The following EPHA6 variants were observed in gnomAD, a reference collection of about 807,000 sequenced individuals.
The protein encoded by EPHA6 is ephrin type-A receptor 6.
A neutral mutation model predicts 112.0 loss-of-function variants in EPHA6; 50 were observed. That is an observed-to-expected ratio of 0.45 (90% CI 0.36 to 0.56). The LOEUF (loss-of-function observed/expected upper bound fraction) is 0.56, where lower values mean the gene tolerates loss of function less well. Ranked by LOEUF, EPHA6 falls within the 20% of genes least tolerant of loss-of-function variation. The pLI, the probability that EPHA6 is intolerant of heterozygous loss-of-function variation, is 0.00. For synonymous variants in EPHA6, 529 were observed against 490.7 expected (o/e 1.08, Z -1.03); for missense variants, 1,280 against 1,417.4 (o/e 0.90, Z 1.56).
rs540770695 is a variant in EPHA6 at position 97,532,049 on chromosome 3, T to C, written c.2201-309T>C. Among the ~76,000 whole-genome samples the C allele has an allele frequency of 3.9e-5, 6 of 152,216 alleles. No homozygotes were observed. In the South Asian group the frequency reaches 1.2e-3, roughly 32 times the overall value. On this transcript the variant is annotated intron_variant, in intron 10 of 17. Transcript: ENST00000389672. ...GGAACAGAAGACATTATGCTGTGAT[T>C]GCATTTCTATAGAATTACATTAGCA... is the stretch of plus-strand genomic sequence containing the variant.
chr3:96,858,047 G>C (rs1293217686), intron 1 of EPHA6, among the ~76,000 whole-genome samples: 1 of 151,956 alleles, frequency 6.6e-6, no homozygotes, highest in Non-Finnish European at 1.5e-5. Context: ...AAATCAGCTG[G>C]AGAAAGGGGG....
intron 10 of EPHA6, among the ~76,000 whole-genome samples, chr3:97,497,620 T>C (rs2107543584): frequency 6.6e-6 from 1 of 152,308 alleles, no homozygotes; most frequent in Non-Finnish European, 1.5e-5. Context: ...CTACTTGGCA[T>C]GTGGTAGGCA....
intron 3 of EPHA6, among the ~76,000 whole-genome samples, chr3:97,124,823 A>G (rs1251503253): frequency 6.6e-6 from 1 of 152,204 alleles, no homozygotes; most frequent in Non-Finnish European, 1.5e-5. Flanking sequence ...AGTAACACCC[A>G]CAGGGGATGC....
intron 7 of EPHA6, among the ~76,000 whole-genome samples, chr3:97,468,863 T>C (rs1459095081): frequency 6.6e-6 from 1 of 151,726 alleles, no homozygotes; most frequent in Non-Finnish European, 1.5e-5. Context: ...CCTTGTTATA[T>C]AGAAAGTTGA....
intron 10 of EPHA6, among the ~76,000 whole-genome samples, chr3:97,487,889 C>T: frequency 6.6e-6 from 1 of 152,032 alleles, no homozygotes; most frequent in East Asian, 1.9e-4. Flanking sequence ...ACAGAAACTC[C>T]CAGGCTAAAA....
intron 5 of EPHA6, among the ~76,000 whole-genome samples, chr3:97,328,038 TACAC>T (rs1391166009): frequency 1.0e-5 from 1 of 99,540 alleles, no homozygotes; most frequent in Non-Finnish European, 1.9e-5. Context: ...TGTGTATATA[TACAC>T]ACATATATAC....
intron 3 of EPHA6, among the ~76,000 whole-genome samples, chr3:97,072,757 C>T (rs1347545376): frequency 2.0e-5 from 3 of 152,074 alleles, no homozygotes; most frequent in African/African-American, 2.4e-5. Flanking sequence ...ATAAATCACT[C>T]TAGACAAAGT....
At chr3:97,158,661 TTGTC>T (rs1008720813) in intron 3 of EPHA6, among the ~76,000 whole-genome samples, 17 of 152,152 alleles carry the variant, frequency 1.1e-4, no homozygotes, top group African/African-American at 2.7e-4. Flanking sequence ...ATTTATGTCT[TTGTC>T]TGGCTCAGTG....
chr3:96,921,280 T>A (rs1394504553), intron 2 of EPHA6, among the ~76,000 whole-genome samples: 1 of 152,064 alleles, frequency 6.6e-6, no homozygotes, highest in African/African-American at 2.4e-5. Flanking sequence ...GAAGAGCATA[T>A]TAGCTACATA....
intron 3 of EPHA6, among the ~76,000 whole-genome samples, chr3:97,155,432 A>G (rs2076267062): frequency 6.6e-6 from 1 of 152,214 alleles, no homozygotes; most frequent in Non-Finnish European, 1.5e-5. Flanking sequence ...ACAAATAATG[A>G]ATATTGCTAA....
At chr3:97,446,078 G>A (rs2107306286) in intron 6 of EPHA6, among the ~76,000 whole-genome samples, 1 of 152,302 alleles carries the variant, frequency 6.6e-6, no homozygotes, top group East Asian at 1.9e-4. Flanking sequence ...TCAGCAGAAA[G>A]GCAACTGGCC....
In EPHA6 at chr3:97,174,747, A is replaced by T. The variant is rs965903560; in HGVS notation, c.1115-51517A>T. ...GCCCATGTGTTGATCAGATTATTAT[A>T]GTTTTTTTCCCATAGAGTTGTTTAA... On this transcript the variant is annotated intron_variant, in intron 3 of 17. Coordinates refer to ENST00000389672, the MANE Select transcript of EPHA6 (RefSeq NM_001080448.3). 2.6e-4 allele frequency among the ~76,000 whole-genome samples: 40 copies of T among 151,672 alleles called. 1 individual carries two copies. The highest frequency in any genetic ancestry group is 6.3e-3 in the Middle Eastern group (2 of 316).
intron 2 of EPHA6, among the ~76,000 whole-genome samples, chr3:96,882,089 T>C (rs2037347130): frequency 6.6e-6 from 1 of 152,188 alleles, no homozygotes. Context: ...TCTGCCATTC[T>C]GGAATCTGGA....
chr3:97,051,422 G>A (rs1007366902), intron 3 of EPHA6, among the ~76,000 whole-genome samples: 2 of 152,150 alleles, frequency 1.3e-5, no homozygotes, highest in Admixed American at 6.6e-5. Context: ...TTGTAGAGAA[G>A]GTAAAAATAT....
intron 14 of EPHA6, among the ~76,000 whole-genome samples, chr3:97,707,909 A>C (rs2033766521): frequency 6.6e-6 from 1 of 152,176 alleles, no homozygotes; most frequent in South Asian, 2.1e-4. Context: ...CATGATTGTA[A>C]GTTGCCTGAG....
intron 1 of EPHA6, among the ~76,000 whole-genome samples, chr3:96,863,644 A>G (rs909462529): frequency 3.9e-5 from 6 of 151,994 alleles, no homozygotes; most frequent in South Asian, 2.1e-4. Context: ...AGGTACATAC[A>G]TATTTTCCTT....
At chr3:96,937,778 T>G (rs1197907476) in intron 2 of EPHA6, among the ~76,000 whole-genome samples, 1 of 152,142 alleles carries the variant, frequency 6.6e-6, no homozygotes, top group Admixed American at 6.5e-5. Flanking sequence ...TTGAATTAAT[T>G]TTTGTATAAG....
At chr3:97,258,749 A>G (rs2079399650) in intron 5 of EPHA6, among the ~76,000 whole-genome samples, 1 of 152,158 alleles carries the variant, frequency 6.6e-6, no homozygotes, top group African/African-American at 2.4e-5. Context: ...GTGTAAATTC[A>G]GTTAAGTTAT....
chr3:96,842,962 G>T (rs893253698), intron 1 of EPHA6, among the ~76,000 whole-genome samples: 2 of 151,772 alleles, frequency 1.3e-5, no homozygotes, highest in Non-Finnish European at 2.9e-5. Flanking sequence ...TTAAAATTTG[G>T]TACAGTCAGA....
Sources: allele counts gnomAD v4.1 joint callset (sites outside exome capture counted in the v4.1 genomes callset), GRCh38; gene constraint gnomAD v4.1.1; transcripts MANE v1.5; gene names NCBI Gene and HGNC (gene_info 2026-07-23, HGNC 2026-07-21).